The following NOL10 variants were observed in gnomAD, a reference collection of about 807,000 sequenced individuals.
The protein encoded by NOL10 is H_NH0074G24.1.
A neutral mutation model predicts 103.5 loss-of-function variants in NOL10; 58 were observed. That is an observed-to-expected ratio of 0.56 (90% CI 0.45 to 0.70). The LOEUF (loss-of-function observed/expected upper bound fraction) is 0.70, where lower values mean the gene tolerates loss of function less well. NOL10 is among the 30% of genes least tolerant of loss of function. NOL10 has a pLI of 0.00. For missense variants in NOL10, 763 were observed against 807.3 expected (o/e 0.95, Z 0.67); for synonymous variants, 287 against 282.5 (o/e 1.02, Z -0.16).
At chr2:10,626,060 T>C (rs1420746301) in intron 13 of NOL10, among the ~76,000 whole-genome samples, 4 of 152,002 alleles carry the variant, frequency 2.6e-5, no homozygotes, top group Non-Finnish European at 4.4e-5. Flanking sequence ...TATGTGCCTG[T>C]AGTCCCAGCT....
At chr2:10,596,699 G>A (rs1675712036) in intron 17 of NOL10, among the ~76,000 whole-genome samples, 1 of 152,150 alleles carries the variant, frequency 6.6e-6, no homozygotes, top group South Asian at 2.1e-4. Flanking sequence ...TGGCCTAGGG[G>A]TTGGAGACCC....
At chr2:10,683,081 C>T (rs962221321) in intron 2 of NOL10, among the ~76,000 whole-genome samples, 1 of 152,196 alleles carries the variant, frequency 6.6e-6, no homozygotes, top group East Asian at 1.9e-4. Flanking sequence ...CTGTGCCTGA[C>T]CCAACCTCTT....
At chr2:10,600,483 A>G (rs1304795294) in intron 17 of NOL10, among the ~76,000 whole-genome samples, 1 of 152,268 alleles carries the variant, frequency 6.6e-6, no homozygotes, top group Non-Finnish European at 1.5e-5. Flanking sequence ...ATATGTAGCC[A>G]TTAAAAATAT....
chr2:10,576,518 T>C (rs1453496326), intron 20 of NOL10, among the ~76,000 whole-genome samples: 2 of 152,238 alleles, frequency 1.3e-5, no homozygotes, highest in East Asian at 3.8e-4. Context: ...TGGTATATTA[T>C]TGAGCCATAA....
intron 13 of NOL10, among the ~76,000 whole-genome samples, chr2:10,632,392 A>G (rs1346482381): frequency 6.6e-6 from 1 of 152,246 alleles, no homozygotes; most frequent in Non-Finnish European, 1.5e-5. Flanking sequence ...TAGATAATAC[A>G]TAAATGAATG....
chr2:10,650,183 G>C (rs1679360981), intron 12 of NOL10, among the ~76,000 whole-genome samples: 1 of 151,262 alleles, frequency 6.6e-6, no homozygotes, highest in Non-Finnish European at 1.5e-5. Flanking sequence ...TTTTTTTTAG[G>C]TCTTGCTTTG....
chr2:10,576,787 T>C (rs776373083), intron 20 of NOL10, among the ~76,000 whole-genome samples: 4 of 152,156 alleles, frequency 2.6e-5, no homozygotes, highest in Non-Finnish European at 4.4e-5. Context: ...AATTACACAG[T>C]GTGATGGTTG....
rs146211943 is a variant in NOL10, at chr2:10,577,099, T to A, written c.1947+537A>T. On this transcript the variant is annotated intron_variant, in intron 20 of 20. Transcript: ENST00000381685. Reference sequence around the variant, plus strand: ...ATTACCACTGGCTAAAAAAAATGGATCTTATAAATCAATTTAGAATAGAAT... The same window carrying A: ...ATTACCACTGGCTAAAAAAAATGGAACTTATAAATCAATTTAGAATAGAAT... Among the ~76,000 whole-genome samples the A allele has an allele frequency of 2.7e-3, 418 of 152,224 alleles. 12 individuals carry two copies. Among genetic ancestry groups the A allele is most frequent in the Admixed American group, 0.022 (343 of 15,296 alleles).
chr2:10,654,074 A>G (rs897131262), intron 12 of NOL10, among the ~76,000 whole-genome samples: 1 of 152,228 alleles, frequency 6.6e-6, no homozygotes, highest in Non-Finnish European at 1.5e-5. Flanking sequence ...CTATGGCTTC[A>G]TGAGCCATCT....
chr2:10,610,656 C>T (rs1676516108), intron 13 of NOL10, among the ~76,000 whole-genome samples: 1 of 152,136 alleles, frequency 6.6e-6, no homozygotes, highest in Non-Finnish European at 1.5e-5. Context: ...AAACAGTGGC[C>T]AGCTTAGCCA....
chr2:10,614,618 T>C (rs912908082), intron 13 of NOL10, among the ~76,000 whole-genome samples: 1 of 152,174 alleles, frequency 6.6e-6, no homozygotes, highest in African/African-American at 2.4e-5. Flanking sequence ...AAGAAATTCA[T>C]TATTTCACAT....
chr2:10,688,079 A>G (rs1238859738), intron 1 of NOL10, among the ~76,000 whole-genome samples: 1 of 151,674 alleles, frequency 6.6e-6, no homozygotes, highest in Non-Finnish European at 1.5e-5. Context: ...CCTTTTTGTC[A>G]CCTCAACTTC....
At chr2:10,604,649 T>C (rs185587882) in intron 14 of NOL10, 1 of 152,320 alleles carries the variant, frequency 6.6e-6, no homozygotes, top group Admixed American at 6.5e-5. Context: ...ATACCAGTGA[T>C]TGCAAAAGTA....
At chr2:10,642,139 C>G (rs1187065741) in intron 13 of NOL10, among the ~76,000 whole-genome samples, 5 of 152,210 alleles carry the variant, frequency 3.3e-5, no homozygotes, top group Non-Finnish European at 7.3e-5. Flanking sequence ...CCCAAAGGGG[C>G]ACAAACTGGG....
chr2:10,588,616 A>T (rs1422141527), intron 19 of NOL10, among the ~76,000 whole-genome samples: 1 of 152,198 alleles, frequency 6.6e-6, no homozygotes, highest in African/African-American at 2.4e-5. Context: ...CCACTGTCCA[A>T]AAGGCTTCAA....
chr2:10,581,372 G>A (rs567907513), intron 19 of NOL10, among the ~76,000 whole-genome samples: 3 of 150,266 alleles, frequency 2.0e-5, no homozygotes, highest in Admixed American at 6.6e-5. Flanking sequence ...CTGTGAAAGG[G>A]GAAAGAGAAA....
chr2:10,595,956 T>C (rs760468489), intron 17 of NOL10, among the ~76,000 whole-genome samples: 38 of 152,178 alleles, frequency 2.5e-4, no homozygotes, highest in Non-Finnish European at 4.4e-4. Context: ...TATGCATGTA[T>C]AACTGTAATT....
In NOL10 at chr2:10,571,276, C is replaced by T. The variant is rs1376906655; in HGVS notation, c.*795G>A. 6.6e-6 allele frequency: 1 copy of T among 152,526 alleles called. No homozygotes were observed. The highest frequency in any genetic ancestry group is 3.4e-3 in the Middle Eastern group (1 of 294). 9.4% of individuals were successfully genotyped at this position (152,526 alleles called of 1,614,324 possible). On this transcript the variant is annotated 3_prime_UTR_variant, in exon 21 of 21. Coordinates refer to ENST00000381685, the MANE Select transcript of NOL10 (RefSeq NM_024894.4). ...GCATCTGCCCCTTTGCCCTCCTCCT[C>T]TGGCTCTAGCCACGCAGGACATACC... is the stretch of plus-strand genomic sequence containing the variant.
intron 20 of NOL10, 87 bp from the exon 21 acceptor site, chr2:10,572,277 C>A: frequency 7.1e-7 from 1 of 1,407,904 alleles, no homozygotes; most frequent in Admixed American, 1.8e-5. Context: ...AACAGTACCA[C>A]CACCAATCTC....
Sources: gnomAD v4.1 joint callset for allele counts (sites outside exome capture counted in the v4.1 genomes callset) on GRCh38, gnomAD v4.1.1 for gene constraint, MANE v1.5 for transcripts, NCBI Gene and HGNC (gene_info 2026-07-23, HGNC 2026-07-21) for gene names.